The following GRIK1 variants were observed in gnomAD, a reference collection of about 807,000 sequenced individuals.
GRIK1 encodes glutamate ionotropic receptor kainate type subunit 1.
In GRIK1, 69 loss-of-function variants were observed where a neutral mutation model predicts 105.7. That is an observed-to-expected ratio of 0.65 (90% CI 0.54 to 0.80). The LOEUF (loss-of-function observed/expected upper bound fraction) is 0.80, where lower values mean the gene tolerates loss of function less well. Ranked by LOEUF, GRIK1 falls within the 30% of genes least tolerant of loss-of-function variation. The pLI is 0.00. For synonymous variants in GRIK1, 438 were observed against 431.3 expected, an observed-to-expected ratio of 1.02 and a Z score of -0.19; for missense variants, 1,109 against 1,167.3, an observed-to-expected ratio of 0.95 and a Z score of 0.73.
chr21:29,755,610 C>A (rs2065317743), intron 1 of GRIK1, among the ~76,000 whole-genome samples: 1 of 152,108 alleles, frequency 6.6e-6, no homozygotes, highest in African/African-American at 2.4e-5. Context: ...CCTTTGGGTG[C>A]CTCTTTACAT....
intron 7 of GRIK1, among the ~76,000 whole-genome samples, chr21:29,600,608 T>C (rs1601230495): frequency 6.6e-6 from 1 of 152,216 alleles, no homozygotes; most frequent in South Asian, 2.1e-4. Flanking sequence ...TTGCAGTTAT[T>C]TGCGCCACGT....
intron 1 of GRIK1, among the ~76,000 whole-genome samples, chr21:29,874,618 T>G (rs779402553): frequency 6.6e-6 from 1 of 152,142 alleles, no homozygotes; most frequent in Non-Finnish European, 1.5e-5. Flanking sequence ...GGCCCAGGGG[T>G]TGGGACCCCT....
At chr21:29,635,054 TG>T (rs2062367514) in intron 7 of GRIK1, among the ~76,000 whole-genome samples, 1 of 152,146 alleles carries the variant, frequency 6.6e-6, no homozygotes, top group African/African-American at 2.4e-5. Context: ...ATGAGGGCAG[TG>T]GGCAAAGAAG....
At chr21:29,794,925 T>A (rs1255385664) in intron 1 of GRIK1, among the ~76,000 whole-genome samples, 1 of 151,648 alleles carries the variant, frequency 6.6e-6, no homozygotes, top group Non-Finnish European at 1.5e-5. Flanking sequence ...TTTTGAGTGC[T>A]GGTAAAACAG....
Position 29,833,045 on chromosome 21 carries a change from ACT to A in GRIK1, c.118+106336_118+106337del, listed in dbSNP as rs375482827. Among the ~76,000 whole-genome samples, 65 of 152,230 alleles carry A rather than the reference ACT, an allele frequency of 4.3e-4. No individual in the cohort carries two copies. The East Asian group carries it at 7.9e-3, about 19-fold the overall frequency. On this transcript the variant is annotated intron_variant, in intron 1 of 17. Coordinates refer to ENST00000327783, the MANE Select transcript of GRIK1 (RefSeq NM_001330994.2). ...CTTCTGCCAGATATCCTAAATCATC[ACT>A]CTCTGGTTCAAAGTTCCATAGATCT...
intron 1 of GRIK1, among the ~76,000 whole-genome samples, chr21:29,912,418 C>T (rs1171454484): frequency 6.6e-6 from 1 of 152,030 alleles, no homozygotes; most frequent in African/African-American, 2.4e-5. Context: ...TACACAGAAA[C>T]ATTCCAAGCT....
Position 29,689,764 on chromosome 21 carries a change from A to G in GRIK1, c.508T>C (p.Trp170Arg), listed in dbSNP as rs1568977816. ...AILDLVLYYN[W>R]KTVTVVYEDS... is the part of the protein sequence containing the mutation. ...TCATACACCACTGTCACTGTTTTCC[A>G]GTTGTAATAGAGGACCAGATCCAGG... The change falls in exon 3 of 18, where the codon TGG becomes CGG. Residue 170 changes from tryptophan (W) to arginine (R), a missense_variant. Trp to Arg is a moderately radical substitution (Grantham distance 101). Around this residue, in one of 5 missense-constraint regions of GRIK1, gnomAD observed 612 missense variants for 586.0 expected, o/e 1.04. Coordinates refer to ENST00000327783, the MANE Select transcript of GRIK1 (RefSeq NM_001330994.2). The G allele has an allele frequency of 6.2e-7, 1 of 1,613,934 alleles. No homozygotes were observed. Among genetic ancestry groups the G allele is most frequent in the Non-Finnish European group, 8.5e-7 (1 of 1,179,848 alleles).
intron 7 of GRIK1, among the ~76,000 whole-genome samples, chr21:29,605,052 T>A (rs1438443324): frequency 2.0e-5 from 3 of 152,102 alleles, no homozygotes; most frequent in Non-Finnish European, 4.4e-5. Context: ...GAAAGGGAAT[T>A]TTTTTTTCTT....
rs934932129 is a variant in GRIK1, at chr21:29,846,461, GAGAGAAAGAA to G, written c.118+92912_118+92921del. ...GGAAAGAAGGAAAGAAGGAAAGAGAGAGAGAAAGAAAGAAAGAAAGAAAGAAAGAAAGAAA... is the reference window on the plus strand; with the variant it reads ...GGAAAGAAGGAAAGAAGGAAAGAGAGAGAAAGAAAGAAAGAAAGAAAGAAA... On this transcript the variant is annotated intron_variant, in intron 1 of 17. Transcript: ENST00000327783. Among the ~76,000 whole-genome samples, 125 of 129,142 alleles carry G rather than the reference GAGAGAAAGAA, an allele frequency of 9.7e-4. 1 individual carries two copies. The highest frequency in any genetic ancestry group is 3.7e-3 in the Admixed American group (44 of 12,024). 84.7% of individuals were successfully genotyped at this position (129,142 alleles called of 152,430 possible).
At chr21:29,712,797 G>T (rs1473556396) in intron 1 of GRIK1, among the ~76,000 whole-genome samples, 1 of 152,048 alleles carries the variant, frequency 6.6e-6, no homozygotes, top group African/African-American at 2.4e-5. Flanking sequence ...TTTCTAGTTT[G>T]TAATGTCTTG....
intron 1 of GRIK1, chr21:29,749,185 A>C (rs1181601032): frequency 6.6e-6 from 1 of 152,240 alleles, no homozygotes; most frequent in Non-Finnish European, 1.5e-5. Flanking sequence ...ATTACTAAAA[A>C]TGATTTGTTT....
intron 4 of GRIK1, among the ~76,000 whole-genome samples, chr21:29,668,678 C>T (rs906294823): frequency 2.6e-5 from 4 of 152,190 alleles, no homozygotes; most frequent in African/African-American, 9.7e-5. Context: ...GAGATGGTTG[C>T]TTAGCACCCA....
In GRIK1 at chr21:29,560,364, T is replaced by TCTTCCTTCCTTC. The variant is rs376778152; in HGVS notation, c.2356+1248_2356+1259dup. Among the ~76,000 whole-genome samples the TCTTCCTTCCTTC allele has an allele frequency of 4.6e-3, 164 of 35,894 alleles. 7 individuals carry two copies. The highest frequency in any genetic ancestry group is 0.011 in the South Asian group (8 of 744). The allele number at this position is 35,894 out of a possible 152,430, so 23.5% of individuals were successfully genotyped here. A position where few individuals can be genotyped will look rare whatever the true frequency, so the allele number is the denominator to read the frequency against. Reference sequence around the variant, plus strand: ...CTTTCTTTCTTTCTTTCTTTTTCTTTCTTCCTTCCTTCCTTCCTTCCTTCC... The same window carrying TCTTCCTTCCTTC: ...CTTTCTTTCTTTCTTTCTTTTTCTTTCTTCCTTCCTTCCTTCCTTCCTTCCTTCCTTCCTTCC... On this transcript the variant is annotated intron_variant, in intron 15 of 17. Coordinates refer to ENST00000327783, the MANE Select transcript of GRIK1 (RefSeq NM_001330994.2).
At chr21:29,627,406 C>G (rs1168615420) in intron 7 of GRIK1, among the ~76,000 whole-genome samples, 1 of 152,126 alleles carries the variant, frequency 6.6e-6, no homozygotes, top group Non-Finnish European at 1.5e-5. Flanking sequence ...GTACCAAGAC[C>G]TAGGGAATCA....
chr21:29,687,381 A>AC (rs2063504751), intron 3 of GRIK1, among the ~76,000 whole-genome samples: 2 of 151,914 alleles, frequency 1.3e-5, no homozygotes, highest in Non-Finnish European at 2.9e-5. Context: ...AAAGGCAAGA[A>AC]CCCTGAGTCA....
intron 1 of GRIK1, among the ~76,000 whole-genome samples, chr21:29,722,987 C>A (rs2064360215): frequency 6.6e-6 from 1 of 152,144 alleles, no homozygotes; most frequent in Non-Finnish European, 1.5e-5. Context: ...TTTAAGTTTT[C>A]TTCAAGTAAC....
Position 29,848,779 on chromosome 21 carries a change from A to ATTTTTTT in GRIK1, c.118+90597_118+90603dup, listed in dbSNP as rs1555898508. Among the ~76,000 whole-genome samples the ATTTTTTT allele has an allele frequency of 3.2e-3, 247 of 77,866 alleles. 7 individuals are homozygous for ATTTTTTT. In the East Asian group the frequency reaches 0.04, roughly 13 times the overall value. 51.1% of individuals were successfully genotyped at this position (77,866 alleles called of 152,430 possible). On this transcript the variant is annotated intron_variant, in intron 1 of 17. Transcript: ENST00000327783. The stretch of plus-strand genomic sequence containing the variant: ...TGTATATATATATATATATATATAT[A>ATTTTTTT]TTTTTTTTTTTTTCCACGATCTTCA...
At chr21:29,865,356 T>C (rs1243026684) in intron 1 of GRIK1, among the ~76,000 whole-genome samples, 2 of 152,238 alleles carry the variant, frequency 1.3e-5, no homozygotes, top group Non-Finnish European at 2.9e-5. Context: ...TTTAGCATTC[T>C]ATATTTCCTA....
At position 29,878,470 on chromosome 21, in the gene GRIK1, A is replaced by G. The variant is rs62210285; in HGVS notation, c.118+60913T>C. Reference sequence around the variant, plus strand: ...CCTCATCTGGAATGGGGATGAAAGGAGCAGTCAAAGTAAAATGGAAGAAAT... The same window carrying G: ...CCTCATCTGGAATGGGGATGAAAGGGGCAGTCAAAGTAAAATGGAAGAAAT... On this transcript the variant is annotated intron_variant, in intron 1 of 17. Coordinates refer to ENST00000327783, the MANE Select transcript of GRIK1 (RefSeq NM_001330994.2). Among the ~76,000 whole-genome samples, 895 of 152,256 alleles carry G rather than the reference A, an allele frequency of 5.9e-3. 5 individuals are homozygous for G. Among genetic ancestry groups the G allele is most frequent in the Non-Finnish European group, 0.01 (691 of 68,000 alleles).
Sources: allele counts gnomAD v4.1 joint callset (sites outside exome capture counted in the v4.1 genomes callset), GRCh38; gene constraint gnomAD v4.1.1; regional missense constraint gnomAD v4.1.1; transcripts MANE v1.5; gene names NCBI Gene and HGNC (gene_info 2026-07-23, HGNC 2026-07-21).